NPAS3: variants seen among roughly 807,000 people sequenced by gnomAD.
NPAS3 encodes neuronal PAS domain protein 3.
In NPAS3, 14 loss-of-function variants were observed where a neutral mutation model predicts 73.1. The ratio of observed to expected loss-of-function variants is 0.19; its 90% CI spans 0.13 to 0.30. NPAS3 has a LOEUF of 0.30. Among genes scored for constraint, NPAS3 ranks in the 10% least tolerant of loss-of-function variants. The probability of loss-of-function intolerance (pLI) is 1.00; values close to 1 mark genes in which losing one functional copy is unlikely to be tolerated. For missense variants in NPAS3, 1,096 were observed against 1,250.0 expected (o/e 0.88, Z 1.86); for synonymous variants, 620 against 541.5 (o/e 1.14, Z -2.01).
chr14:33,791,519 G>A (rs544055689), intron 9 of NPAS3, among the ~76,000 whole-genome samples: 145 of 152,236 alleles, frequency 9.5e-4, no homozygotes, highest in Non-Finnish European at 1.5e-3. Flanking sequence ...GACACCATAC[G>A]GTCCCTTAGC....
chr14:33,790,700 G>T (rs1052772782), intron 9 of NPAS3, among the ~76,000 whole-genome samples: 3 of 151,990 alleles, frequency 2.0e-5, no homozygotes, highest in Non-Finnish European at 4.4e-5. Flanking sequence ...CCAGAGTCTC[G>T]CTTTGTCACC....
intron 4 of NPAS3, among the ~76,000 whole-genome samples, chr14:33,406,479 A>G (rs1418190108): frequency 6.6e-6 from 1 of 152,066 alleles, no homozygotes; most frequent in African/African-American, 2.4e-5. Context: ...ACTCTAAGAG[A>G]TGGCATGTGT....
chr14:33,773,724 G>A (rs1001975466), intron 7 of NPAS3, among the ~76,000 whole-genome samples: 1 of 152,080 alleles, frequency 6.6e-6, no homozygotes, highest in Admixed American at 6.5e-5. Context: ...ACAAATCATG[G>A]GCCAAAGTCC....
intron 4 of NPAS3, among the ~76,000 whole-genome samples, chr14:33,553,749 C>T (rs1355444294): frequency 2.0e-5 from 3 of 152,168 alleles, no homozygotes; most frequent in Non-Finnish European, 4.4e-5. Flanking sequence ...GATTCTTATT[C>T]CTGAAAATAA....
intron 3 of NPAS3, among the ~76,000 whole-genome samples, chr14:33,232,970 C>A (rs1457996410): frequency 7.2e-5 from 11 of 152,106 alleles, no homozygotes; most frequent in Admixed American, 7.2e-4. Flanking sequence ...GCCACTTATA[C>A]CCCATATGTA....
chr14:33,702,300 G>A (rs2060543895), intron 6 of NPAS3, among the ~76,000 whole-genome samples: 1 of 152,220 alleles, frequency 6.6e-6, no homozygotes, highest in African/African-American at 2.4e-5. Flanking sequence ...CAATTGGTGG[G>A]AGAGTGGCTT....
intron 7 of NPAS3, among the ~76,000 whole-genome samples, chr14:33,766,227 G>A (rs1288309147): frequency 1.3e-5 from 2 of 152,170 alleles, no homozygotes; most frequent in Non-Finnish European, 2.9e-5. Context: ...GTCAAGGAGA[G>A]GAGATAAGTT....
rs373507490 is a variant in NPAS3 at position 33,354,178 on chromosome 14, T to C, written c.386-13008T>C. 3.9e-5 allele frequency among the ~76,000 whole-genome samples: 6 copies of C among 152,260 alleles called. No homozygotes were observed. The South Asian group carries it at 1.0e-3, about 26-fold the overall frequency. ...AGACATCCAAAGTCACTTTAAAAAA[T>C]ATCCCTTAAGCTTGGGTATGTTCCC... On this transcript the variant is annotated intron_variant, in intron 3 of 11. Coordinates refer to ENST00000356141, the Ensembl canonical transcript of NPAS3.
intron 3 of NPAS3, among the ~76,000 whole-genome samples, chr14:33,273,749 T>C (rs915130946): frequency 6.6e-6 from 1 of 152,172 alleles, no homozygotes; most frequent in Admixed American, 6.6e-5. Context: ...ATTCCCTAGA[T>C]TGTAACTACC....
intron 2 of NPAS3, chr14:33,213,553 G>A (rs1269462339): frequency 1.3e-5 from 2 of 152,146 alleles, no homozygotes; most frequent in Non-Finnish European, 2.9e-5. Context: ...CTAAAATTGA[G>A]CACTTGTAGA....
chr14:33,045,139 G>A (rs1251748428), intron 1 of NPAS3, among the ~76,000 whole-genome samples: 2 of 152,168 alleles, frequency 1.3e-5, no homozygotes, highest in Non-Finnish European at 2.9e-5. Flanking sequence ...TGAGAATATA[G>A]TCATGTGGCC....
chr14:33,212,181 T>C (rs1202678086), intron 2 of NPAS3, among the ~76,000 whole-genome samples: 2 of 152,230 alleles, frequency 1.3e-5, no homozygotes, highest in Non-Finnish European at 2.9e-5. Context: ...TTAAGGTCTT[T>C]GTCTTCATCT....
At chr14:33,717,449 TG>T (rs1237757576) in intron 6 of NPAS3, among the ~76,000 whole-genome samples, 15 of 152,216 alleles carry the variant, frequency 9.9e-5, no homozygotes, top group Admixed American at 9.8e-4. Flanking sequence ...AGGGAAGTTC[TG>T]GATAATGCAA....
chr14:33,697,312 C>T (rs1016523011), intron 6 of NPAS3, among the ~76,000 whole-genome samples: 1 of 152,200 alleles, frequency 6.6e-6, no homozygotes. Context: ...CTTGGACTCA[C>T]ACAGCCAGAG....
At chr14:33,740,824 C>T (rs919579428) in intron 7 of NPAS3, among the ~76,000 whole-genome samples, 10 of 151,950 alleles carry the variant, frequency 6.6e-5, no homozygotes, top group African/African-American at 2.4e-4. Context: ...AAATATCTTT[C>T]GATAATTTTT....
At chr14:33,529,510 G>A (rs1664905544) in intron 4 of NPAS3, among the ~76,000 whole-genome samples, 1 of 152,114 alleles carries the variant, frequency 6.6e-6, no homozygotes, top group Admixed American at 6.6e-5. Flanking sequence ...GATGATGGAT[G>A]AAGAAGCAAT....
intron 4 of NPAS3, among the ~76,000 whole-genome samples, chr14:33,551,009 ATTG>A (rs2055085594): frequency 6.6e-6 from 1 of 152,228 alleles, no homozygotes; most frequent in African/African-American, 2.4e-5. Context: ...CTAAAAATTA[ATTG>A]TTAATTATAT....
chr14:33,667,672 A>AAAAT (rs1237000134), intron 5 of NPAS3, among the ~76,000 whole-genome samples: 6 of 152,232 alleles, frequency 3.9e-5, no homozygotes, highest in Non-Finnish European at 8.8e-5. Context: ...TAACCAAAAT[A>AAAAT]AAATAGCAGT....
intron 5 of NPAS3, among the ~76,000 whole-genome samples, chr14:33,613,519 T>TC: frequency 6.6e-6 from 1 of 152,256 alleles, no homozygotes; most frequent in Non-Finnish European, 1.5e-5. Context: ...GCTTGAGGCT[T>TC]CCCCTCTCTT....
Sources: allele counts gnomAD v4.1 joint callset (sites outside exome capture counted in the v4.1 genomes callset), GRCh38; gene constraint gnomAD v4.1.1; transcripts MANE v1.5; gene names NCBI Gene and HGNC (gene_info 2026-07-23, HGNC 2026-07-21).